The following ATP6V0A2 variants were observed in gnomAD, a reference collection of about 807,000 sequenced individuals.
ATP6V0A2 encodes the protein V-type proton ATPase 116 kDa subunit a 2.
Under a neutral mutation model 104.4 loss-of-function variants are expected in ATP6V0A2, and 58 were observed. The ratio of observed to expected loss-of-function variants is 0.56; its 90% CI spans 0.45 to 0.69. The LOEUF (loss-of-function observed/expected upper bound fraction) is 0.69. Among genes scored for constraint, ATP6V0A2 ranks in the 30% least tolerant of loss-of-function variants. The probability of loss-of-function intolerance (pLI) is 0.00; values close to 1 mark genes in which losing one functional copy is unlikely to be tolerated. For synonymous variants in ATP6V0A2, 376 were observed against 397.9 expected (o/e 0.95, Z 0.65); for missense variants, 938 against 1,062.9 (o/e 0.88, Z 1.63).
chr12:123,754,460 C>T lies in ATP6V0A2; in HGVS notation c.2216C>T (p.Ser739Phe). The T allele has an allele frequency of 6.2e-7, 1 of 1,613,928 alleles. No homozygotes were observed. The highest frequency in any genetic ancestry group is 1.1e-5 in the South Asian group (1 of 91,072). ...GEILMTQVIHSIEYCLGCISN... is the reference protein window; with the variant it reads ...GEILMTQVIHFIEYCLGCISN... ...ATATTAATGACCCAAGTAATCCATT[C>T]CATCGAGTACTGTCTGGGATGCATC... Residue 739 changes from serine (S) to phenylalanine (F), a missense_variant, in exon 18 of 20, where the codon TCC becomes TTC. Transcript: ENST00000330342.
chr12:123,748,321 A>G (rs1956682064), intron 14 of ATP6V0A2, among the ~76,000 whole-genome samples: 1 of 152,198 alleles, frequency 6.6e-6, no homozygotes, highest in Non-Finnish European at 1.5e-5. Context: ...TTAAGGAAGG[A>G]AATGTTTCTG....
chr12:123,735,142 C>CGTGTGT (rs56266144), intron 7 of ATP6V0A2, among the ~76,000 whole-genome samples: 65,117 of 148,310 alleles, frequency 0.44, 15,155 homozygotes, highest in East Asian at 0.86. Flanking sequence ...CTTTTGTTTT[C>CGTGTGT]GTGTGTGTGT....
At chr12:123,718,070 G>A (rs1956361502) in intron 1 of ATP6V0A2, among the ~76,000 whole-genome samples, 1 of 148,980 alleles carries the variant, frequency 6.7e-6, no homozygotes, top group Non-Finnish European at 1.5e-5. Flanking sequence ...AATTACTTAG[G>A]TGCGCCACCA....
At chr12:123,725,407 T>C (rs1295925295) in intron 4 of ATP6V0A2, among the ~76,000 whole-genome samples, 1 of 152,014 alleles carries the variant, frequency 6.6e-6, no homozygotes, top group Non-Finnish European at 1.5e-5. Context: ...GAGAAAAAAA[T>C]TGAATGAAGG....
chr12:123,712,379 A>AGCTGGAGCGGCGGCC lies in ATP6V0A2; in HGVS notation c.-184_-170dup, dbSNP rs1401358982. 9 of 356,768 alleles carry AGCTGGAGCGGCGGCC rather than the reference A, an allele frequency of 2.5e-5. No individual in the cohort carries two copies. The highest frequency in any genetic ancestry group is 4.9e-5 in the Admixed American group (1 of 20,516). 22.1% of individuals were successfully genotyped at this position (356,768 alleles called of 1,614,324 possible). A position where few individuals can be genotyped will look rare whatever the true frequency, so the allele number is the denominator to read the frequency against. ...GGACCTCGCGGACTGCTGTGGCGGC[A>AGCTGGAGCGGCGGCC]GCTGGAGCGGCGGCCGCGGTGGCAG... is the stretch of plus-strand genomic sequence containing the variant. On this transcript the variant is annotated 5_prime_UTR_variant, in exon 1 of 20. Coordinates refer to ENST00000330342, the MANE Select transcript of ATP6V0A2 (RefSeq NM_012463.4).
chr12:123,713,391 A>T (rs1485049843), intron 1 of ATP6V0A2, among the ~76,000 whole-genome samples: 2 of 152,110 alleles, frequency 1.3e-5, no homozygotes, highest in African/African-American at 4.8e-5. Flanking sequence ...TGTCTCCCCA[A>T]CAAGTAATAA....
At chr12:123,743,700 A>G in intron 9 of ATP6V0A2, 85 bp from the exon 10 acceptor site, 1 of 1,527,532 alleles carries the variant, frequency 6.5e-7, no homozygotes, top group South Asian at 1.1e-5. Context: ...ACCAAAAAAC[A>G]AAGCAGTAAC....
Position 123,748,652 on chromosome 12 carries a change from T to G in ATP6V0A2, c.1802T>G (p.Leu601Arg). The change falls in exon 15 of 20, where the codon CTT becomes CGT. Residue 601 changes from leucine (L) to arginine (R), a missense_variant. Transcript: ENST00000330342. ...TTCATGCTCTGTATCTTTGGATACC[T>G]TATATTTATGATTTTCTACAAGTGG... ...LLFMLCIFGY[L>R]IFMIFYKWLV... 6.2e-7 allele frequency: 1 copy of G among 1,614,076 alleles called. No individual in the cohort carries two copies.
Position 123,712,644 on chromosome 12 carries a change from A to G in ATP6V0A2, c.79A>G (p.Ser27Gly). ...LQSGTAYECL[S>G]ALGEKGLVQF... is the part of the protein sequence containing the mutation. ...GTCGGGCACGGCCTACGAGTGCCTC[A>G]GCGCCCTGGGCGAGAAAGGCCTGGT... The change falls in exon 1 of 20, where the codon AGC becomes GGC. Residue 27 changes from serine to glycine, a missense_variant. Transcript: ENST00000330342. 1.2e-6 allele frequency: 2 copies of G among 1,609,420 alleles called. No individual in the cohort carries two copies. Among genetic ancestry groups the G allele is most frequent in the Non-Finnish European group, 1.7e-6 (2 of 1,178,602 alleles).
rs115919999 is a variant in ATP6V0A2, at chr12:123,755,755, T to C, written c.2294-1060T>C. ...GTTTCAAAGATAGATTTACCATTTTTTCATTTCCCTATATTTTTTGTTAAA... is the reference window on the plus strand; with the variant it reads ...GTTTCAAAGATAGATTTACCATTTTCTCATTTCCCTATATTTTTTGTTAAA... On this transcript the variant is annotated intron_variant, in intron 18 of 19. Transcript: ENST00000330342. 7.7e-3 allele frequency among the ~76,000 whole-genome samples: 1,165 copies of C among 152,094 alleles called. 12 individuals are homozygous for C. Among genetic ancestry groups the C allele is most frequent in the African/African-American group, 0.027 (1,113 of 41,500 alleles).
intron 7 of ATP6V0A2, 118 bp from the exon 8 acceptor site, chr12:123,735,413 C>T: frequency 4.5e-6 from 4 of 885,250 alleles, no homozygotes; most frequent in East Asian, 2.6e-5. Flanking sequence ...TGCATCTGCA[C>T]CCGTGTCTCC....
intron 9 of ATP6V0A2, among the ~76,000 whole-genome samples, chr12:123,738,263 G>A (rs151281380): frequency 0.02 from 3,092 of 152,174 alleles, 46 homozygotes; most frequent in African/African-American, 0.034. Flanking sequence ...TTAGCTGGGC[G>A]GGGTGGCACA....
intron 19 of ATP6V0A2, among the ~76,000 whole-genome samples, chr12:123,757,471 A>G (rs1005135571): frequency 1.3e-5 from 2 of 152,066 alleles, no homozygotes; most frequent in Non-Finnish European, 2.9e-5. Context: ...ATTCTGAACT[A>G]TTATCACTGA....
chr12:123,729,070 ATTC>A (rs1333080790), intron 6 of ATP6V0A2, among the ~76,000 whole-genome samples: 1 of 152,106 alleles, frequency 6.6e-6, no homozygotes, highest in African/African-American at 2.4e-5. Flanking sequence ...TAAATATCCT[ATTC>A]TTCATCAGGT....
chr12:123,725,538 G>A (rs1338435261), intron 4 of ATP6V0A2, among the ~76,000 whole-genome samples: 3 of 152,192 alleles, frequency 2.0e-5, no homozygotes, highest in Non-Finnish European at 4.4e-5. Context: ...AGCACTTTGG[G>A]AGGCCAAAGC....
In ATP6V0A2 at chr12:123,712,582, G is replaced by C; in HGVS notation, c.17G>C (p.Arg6Pro). The change falls in exon 1 of 20, where the codon CGG becomes CCG. Residue 6 changes from arginine (R) to proline (P), a missense_variant. Arg to Pro is a moderately radical substitution (Grantham distance 103). Coordinates refer to ENST00000330342, the MANE Select transcript of ATP6V0A2 (RefSeq NM_012463.4). MGSLF[R>P]SETMCLAQLF... The stretch of plus-strand genomic sequence containing the variant: ...CGGCCCGCCATGGGGTCCCTGTTCC[G>C]GAGCGAGACCATGTGCCTGGCGCAG... 6.3e-7 allele frequency: 1 copy of C among 1,596,764 alleles called. No individual in the cohort carries two copies. Among genetic ancestry groups the C allele is most frequent in the Non-Finnish European group, 8.5e-7 (1 of 1,173,798 alleles).
Position 123,744,164 on chromosome 12 carries a change from G to T in ATP6V0A2, c.1190-37G>T, listed in dbSNP as rs759457253. ...GAATGAACTCAGGTTTTCCATATTTGCTGTGAATCAGAAATCTCTTTCCCT... is the reference window on the plus strand; with the variant it reads ...GAATGAACTCAGGTTTTCCATATTTTCTGTGAATCAGAAATCTCTTTCCCT... On this transcript the variant is annotated intron_variant, in intron 10 of 19. Coordinates refer to ENST00000330342, the MANE Select transcript of ATP6V0A2 (RefSeq NM_012463.4). This position sits in a 1 kb window ranked among gnomAD's most constrained non-coding sequence, Gnocchi z 5.4. 1 of 1,613,676 alleles carries T rather than the reference G, an allele frequency of 6.2e-7. No homozygotes were observed. The highest frequency in any genetic ancestry group is 8.5e-7 in the Non-Finnish European group (1 of 1,179,800).
At chr12:123,743,131 C>T (rs1362873161) in intron 9 of ATP6V0A2, among the ~76,000 whole-genome samples, 2 of 152,154 alleles carry the variant, frequency 1.3e-5, no homozygotes, top group Non-Finnish European at 2.9e-5. Context: ...CTGTCAGTGA[C>T]TGAGCCGACT....
chr12:123,761,271 AT>A lies in ATP6V0A2; in HGVS notation c.*3241del, dbSNP rs1258237589. ...TAGGTCAGCCTTACGATGTCCATGA[AT>A]TACATATTCAGACGTTTTAGAGCCT... On this transcript the variant is annotated 3_prime_UTR_variant, in exon 20 of 20. Transcript: ENST00000330342. The A allele has an allele frequency of 6.6e-6, 1 of 152,226 alleles. No homozygotes were observed. Among genetic ancestry groups the A allele is most frequent in the African/African-American group, 2.4e-5 (1 of 41,448 alleles). The allele number at this position is 152,226 out of a possible 1,614,324, so 9.4% of individuals were successfully genotyped here. A position where few individuals can be genotyped will look rare whatever the true frequency, so the allele number is the denominator to read the frequency against.
Sources: gnomAD v4.1 joint callset for allele counts (sites outside exome capture counted in the v4.1 genomes callset) on GRCh38, gnomAD v4.1.1 for gene constraint, Gnocchi (gnomAD v3.1) non-coding constraint, MANE v1.5 for transcripts, NCBI Gene and HGNC (gene_info 2026-07-23, HGNC 2026-07-21) for gene names.